PPP4R4: variants seen among roughly 807,000 people sequenced by gnomAD.
PPP4R4 encodes protein phosphatase 4 regulatory subunit 4.
PPP4R4 carries 70 observed loss-of-function variants against 121.8 expected under a neutral mutation model. The ratio of observed to expected loss-of-function variants is 0.57; its 90% CI spans 0.47 to 0.70. The LOEUF (loss-of-function observed/expected upper bound fraction) is 0.70, where lower values mean the gene tolerates loss of function less well. PPP4R4 is among the 30% of genes least tolerant of loss of function. PPP4R4 has a pLI of 0.00. For synonymous variants in PPP4R4, 348 were observed against 355.7 expected (o/e 0.98, Z 0.24); for missense variants, 875 against 1,033.6 (o/e 0.85, Z 2.10).
Position 94,191,326 on chromosome 14 carries a change from G to GT in PPP4R4, c.191+15206dup, listed in dbSNP as rs573240332. On this transcript the variant is annotated intron_variant, in intron 2 of 24. Transcript: ENST00000304338. ...AGGGAGGGGAAAAATAAGCTCATCT[G>GT]TTTTTTTCAGGCAAATTTTGAGCCT... is the stretch of plus-strand genomic sequence containing the variant. Among the ~76,000 whole-genome samples the GT allele has an allele frequency of 6.4e-4, 93 of 144,988 alleles. 1 individual carries two copies. The highest frequency in any genetic ancestry group is 4.0e-3 in the South Asian group (18 of 4,450).
chr14:94,220,918 A>T (rs1891352213), intron 3 of PPP4R4, among the ~76,000 whole-genome samples: 1 of 152,170 alleles, frequency 6.6e-6, no homozygotes, highest in Admixed American at 6.5e-5. Flanking sequence ...AATGTAAAGG[A>T]CCTAGAATAG....
chr14:94,272,231 A>C lies in PPP4R4; in HGVS notation c.2450-3143A>C, dbSNP rs117839005. On this transcript the variant is annotated intron_variant, in intron 23 of 24. Coordinates refer to ENST00000304338, the MANE Select transcript of PPP4R4 (RefSeq NM_058237.2). ...GATAATGAAGAAGAACAAAGCTAGAAGATTGACACCACCTGACTTCAGGAC... is the reference window on the plus strand; with the variant it reads ...GATAATGAAGAAGAACAAAGCTAGACGATTGACACCACCTGACTTCAGGAC... 4.2e-3 allele frequency among the ~76,000 whole-genome samples: 642 copies of C among 152,322 alleles called. 2 individuals are homozygous for C. Among genetic ancestry groups the C allele is most frequent in the Non-Finnish European group, 7.5e-3 (510 of 68,006 alleles).
At chr14:94,265,276 A>G in intron 20 of PPP4R4, 111 bp from the exon 21 acceptor site, 1 of 743,106 alleles carries the variant, frequency 1.3e-6, no homozygotes. Flanking sequence ...TGGAAAAGAA[A>G]GCTGCTTAGC....
chr14:94,195,327 C>T (rs1352232286), intron 2 of PPP4R4, among the ~76,000 whole-genome samples: 3 of 152,138 alleles, frequency 2.0e-5, no homozygotes, highest in Non-Finnish European at 2.9e-5. Flanking sequence ...GGGGTGGGAC[C>T]CAGTTTTAAC....
At chr14:94,244,784 C>G in intron 12 of PPP4R4, 72 bp downstream of exon 12, 1 of 1,362,890 alleles carries the variant, frequency 7.3e-7, no homozygotes, top group Non-Finnish European at 9.6e-7. Context: ...CTTTTCTCCC[C>G]TTCTTCTTGG....
intron 5 of PPP4R4, among the ~76,000 whole-genome samples, chr14:94,232,540 TA>T (rs1892094591): frequency 6.6e-6 from 1 of 152,250 alleles, no homozygotes; most frequent in African/African-American, 2.4e-5. Context: ...ATTTTTACTC[TA>T]GAATACCATA....
At position 94,266,661 on chromosome 14, in the gene PPP4R4, T is replaced by G. The variant is rs79017312; in HGVS notation, c.2379-298T>G. Among the ~76,000 whole-genome samples the G allele has an allele frequency of 1.4e-3, 213 of 152,220 alleles. 3 individuals are homozygous for G. The East Asian group carries it at 0.03, about 21-fold the overall frequency. The stretch of plus-strand genomic sequence containing the variant: ...TGATCTCAAGATAGAAAAAAGAGAT[T>G]ATAACTAAAGATAAGTTTTGTTTCC... On this transcript the variant is annotated intron_variant, in intron 22 of 24. Transcript: ENST00000304338.
chr14:94,222,460 C>G (rs914588041), intron 3 of PPP4R4, among the ~76,000 whole-genome samples: 4 of 151,540 alleles, frequency 2.6e-5, no homozygotes, highest in African/African-American at 9.7e-5. Flanking sequence ...CTGTTGTTAG[C>G]TATTTTATTT....
chr14:94,214,997 C>T (rs946070427), intron 3 of PPP4R4, among the ~76,000 whole-genome samples: 3 of 152,158 alleles, frequency 2.0e-5, no homozygotes, highest in African/African-American at 7.2e-5. Flanking sequence ...AGACTTGGGT[C>T]CTATCCCCAA....
At position 94,237,653 on chromosome 14, in the gene PPP4R4, A is replaced by G; in HGVS notation, c.820A>G (p.Thr274Ala). The change falls in exon 8 of 25, where the codon ACT (threonine) becomes GCT (alanine). Residue 274 changes from threonine (T) to alanine (A), a missense_variant. By Grantham distance (58) the Thr-to-Ala change is moderately conservative (BLOSUM62 0). Transcript: ENST00000304338. ...GSSVRLAAFE[T>A]LVNLLDIFDT... ...CAGTGTACGACTTGCAGCTTTTGAA[A>G]CTTTGGTTAATCTGCTTGATATATT... is the stretch of plus-strand genomic sequence containing the variant. 1 of 1,612,250 alleles carries G rather than the reference A, an allele frequency of 6.2e-7. No individual in the cohort carries two copies. The highest frequency in any genetic ancestry group is 8.5e-7 in the Non-Finnish European group (1 of 1,178,308).
chr14:94,183,394 T>C (rs771534640), intron 2 of PPP4R4, among the ~76,000 whole-genome samples: 3 of 152,204 alleles, frequency 2.0e-5, no homozygotes, highest in Non-Finnish European at 4.4e-5. Flanking sequence ...AAGAGCAGTA[T>C]ATAATGGATT....
chr14:94,175,893 G>A, intron 1 of PPP4R4, 161 bp from the exon 2 acceptor site: 1 of 622,588 alleles, frequency 1.6e-6, no homozygotes. Context: ...CTCCGTGATT[G>A]ATGTCGCCTG....
intron 7 of PPP4R4, among the ~76,000 whole-genome samples, chr14:94,236,913 A>T (rs1351342618): frequency 6.6e-6 from 1 of 152,206 alleles, no homozygotes; most frequent in African/African-American, 2.4e-5. Context: ...TACCCAAGAA[A>T]GCTAACCACA....
rs1893612154 is a variant in PPP4R4 at position 94,258,780 on chromosome 14, T to C, written c.2011-3T>C. ...AGAATAATTTTAAAAACTTTCCTTA[T>C]AGACTGTATTAGAGTTGGACAGAAT... On this transcript the variant is annotated splice_polypyrimidine_tract_variant and splice_region_variant and intron_variant, in intron 17 of 24. Transcript: ENST00000304338. The C allele has an allele frequency of 1.3e-6, 2 of 1,562,984 alleles. No individual in the cohort carries two copies. Among genetic ancestry groups the C allele is most frequent in the South Asian group, 2.2e-5 (2 of 89,608 alleles).
rs752921683 is a variant in PPP4R4, at chr14:94,278,648, A to G, written c.*5A>G. The G allele has an allele frequency of 1.3e-6, 2 of 1,582,040 alleles. No homozygotes were observed. Among genetic ancestry groups the G allele is most frequent in the Admixed American group, 1.7e-5 (1 of 57,668 alleles). On this transcript the variant is annotated 3_prime_UTR_variant, in exon 25 of 25. Transcript: ENST00000304338. ...TCCAGAAAATCCAATCCTTAAATCA[A>G]CTGCTTGATGAAGGAGGCAAAACAA...
chr14:94,256,681 G>T (rs750481029), intron 17 of PPP4R4, 77 bp downstream of exon 17: 135 of 1,332,436 alleles, frequency 1.0e-4, no homozygotes, highest in Non-Finnish European at 1.3e-4. Context: ...ATTTCAGCTT[G>T]ACAGGATAGC....
rs1367507769 is a variant in PPP4R4 at position 94,242,476 on chromosome 14, T to C, written c.1266+68T>C. 4 of 1,468,396 alleles carry C rather than the reference T, an allele frequency of 2.7e-6. No homozygotes were observed. The African/African-American group carries it at 5.6e-5, about 21-fold the overall frequency. 91.0% of individuals were successfully genotyped at this position (1,468,396 alleles called of 1,614,324 possible). A position where few individuals can be genotyped will look rare whatever the true frequency, so the allele number is the denominator to read the frequency against. ...TCTACCTATGTATACTAGATGATTT[T>C]GTGCTTATAGATTATAAGATATAGA... On this transcript the variant is annotated intron_variant, in intron 11 of 24. Coordinates refer to ENST00000304338, the MANE Select transcript of PPP4R4 (RefSeq NM_058237.2).
At position 94,242,373 on chromosome 14, in the gene PPP4R4, C is replaced by T; in HGVS notation, c.1231C>T (p.Pro411Ser). 1 of 1,610,480 alleles carries T rather than the reference C, an allele frequency of 6.2e-7. No homozygotes were observed. Among genetic ancestry groups the T allele is most frequent in the South Asian group, 1.1e-5 (1 of 90,984 alleles). Residue 411 changes from proline (P) to serine (S), a missense_variant, in exon 11 of 25, where the codon CCA (proline) becomes TCA (serine). Physicochemically the swap from Pro to Ser is moderately conservative, Grantham distance 74. Coordinates refer to ENST00000304338, the MANE Select transcript of PPP4R4 (RefSeq NM_058237.2). ...CTGCCTTTGCCATGACCCTGAAGTA[C>T]CAGTCAGATACACTATTGCTATTTG... is the stretch of plus-strand genomic sequence containing the variant. Reference protein sequence around the residue: ...FFCLCHDPEVPVRYTIAICFY... With the variant: ...FFCLCHDPEVSVRYTIAICFY...
intron 8 of PPP4R4, among the ~76,000 whole-genome samples, chr14:94,240,417 T>C (rs927585117): frequency 3.3e-5 from 5 of 152,184 alleles, no homozygotes. Flanking sequence ...ATAATCACTC[T>C]TTATATTCTG....
Sources: allele counts gnomAD v4.1 joint callset (sites outside exome capture counted in the v4.1 genomes callset), GRCh38; gene constraint gnomAD v4.1.1; transcripts MANE v1.5; gene names NCBI Gene and HGNC (gene_info 2026-07-23, HGNC 2026-07-21).